URI1: variants seen among roughly 807,000 people sequenced by gnomAD.
URI1 encodes the protein URI1 prefoldin like chaperone.
URI1 carries 39 observed loss-of-function variants against 60.2 expected under a neutral mutation model. The observed-to-expected ratio is 0.65, with a 90% CI of 0.50 to 0.85. The LOEUF (loss-of-function observed/expected upper bound fraction) is 0.85. URI1 is among the 40% of genes least tolerant of loss of function. URI1 has a pLI of 0.00. For missense variants in URI1, 691 were observed against 665.9 expected, an observed-to-expected ratio of 1.04 and a Z score of -0.42; for synonymous variants, 251 against 236.8, an observed-to-expected ratio of 1.06 and a Z score of -0.55.
At chr19:29,963,014 C>T (rs536609786) in intron 1 of URI1, among the ~76,000 whole-genome samples, 4 of 152,272 alleles carry the variant, frequency 2.6e-5, no homozygotes, top group East Asian at 3.9e-4. Flanking sequence ...CTCCCCTGTG[C>T]CTCCTCCGCC....
At chr19:29,927,621 T>C (rs1476670291) in intron 1 of URI1, among the ~76,000 whole-genome samples, 3 of 124,690 alleles carry the variant, frequency 2.4e-5, no homozygotes, top group Non-Finnish European at 4.8e-5. Context: ...CAGGCTAGAG[T>C]GCTGGAGTGC....
Position 29,986,316 on chromosome 19 carries a change from A to G in URI1, c.266A>G (p.Lys89Arg). The change falls in exon 4 of 11, where the codon AAA becomes AGA. Residue 89 changes from lysine to arginine, a missense_variant. By Grantham distance (26) the Lys-to-Arg change is conservative (BLOSUM62 2). Coordinates refer to ENST00000392271, the MANE Select transcript of URI1 (RefSeq NM_003796.3). ...PFGPFAFMPG[K>R]LVHTNEVTVL... ...GGCCCTTTTGCCTTCATGCCAGGAA[A>G]ACTTGTCCATACTAATGAAGTCACT... The G allele has an allele frequency of 3.1e-6, 5 of 1,606,582 alleles. No individual in the cohort carries two copies. The highest frequency in any genetic ancestry group is 3.4e-6 in the Non-Finnish European group (4 of 1,178,604).
At chr19:29,943,349 CTTTATATAAAG>C (rs2055057284) in intron 1 of URI1, among the ~76,000 whole-genome samples, 1 of 152,126 alleles carries the variant, frequency 6.6e-6, no homozygotes, top group Admixed American at 6.5e-5. Context: ...CCTAGTGGGA[CTTTATATAAAG>C]AAGTATTCCC....
At chr19:29,925,001 A>G (rs996756171) in intron 1 of URI1, among the ~76,000 whole-genome samples, 2 of 152,054 alleles carry the variant, frequency 1.3e-5, no homozygotes, top group South Asian at 2.1e-4. Flanking sequence ...ACGCCCGGCT[A>G]ATTTTTGTAT....
intron 1 of URI1, among the ~76,000 whole-genome samples, chr19:29,966,406 G>T (rs1406605139): frequency 6.6e-6 from 1 of 152,160 alleles, no homozygotes; most frequent in Non-Finnish European, 1.5e-5. Flanking sequence ...AAAGTGCTAA[G>T]ATTACAGGCG....
At chr19:29,977,982 C>T (rs887382575) in intron 2 of URI1, among the ~76,000 whole-genome samples, 5 of 152,072 alleles carry the variant, frequency 3.3e-5, no homozygotes, top group African/African-American at 9.7e-5. Flanking sequence ...CTAATTCTCT[C>T]CCTGTTTTTA....
At chr19:29,966,058 T>G (rs1011581287) in intron 1 of URI1, among the ~76,000 whole-genome samples, 1 of 152,266 alleles carries the variant, frequency 6.6e-6, no homozygotes, top group East Asian at 1.9e-4. Flanking sequence ...TTAGCTTTCA[T>G]TAGCAGTTTT....
intron 1 of URI1, among the ~76,000 whole-genome samples, chr19:29,945,826 A>G (rs2055096171): frequency 6.6e-6 from 1 of 152,108 alleles, no homozygotes; most frequent in African/African-American, 2.4e-5. Flanking sequence ...ACACAATTTT[A>G]TTATTTTACC....
At chr19:29,998,434 A>G (rs1432706145) in intron 4 of URI1, among the ~76,000 whole-genome samples, 1 of 152,096 alleles carries the variant, frequency 6.6e-6, no homozygotes, top group Non-Finnish European at 1.5e-5. Context: ...TCCTCCAGCT[A>G]TTATGGTGAA....
chr19:29,986,130 G>A (rs2055664808), intron 3 of URI1, 152 bp from the exon 4 acceptor site: 1 of 702,282 alleles, frequency 1.4e-6, no homozygotes, highest in Non-Finnish European at 2.1e-6. Context: ...TTTTAATATA[G>A]TGTTGAATTT....
intron 1 of URI1, among the ~76,000 whole-genome samples, chr19:29,955,296 T>C (rs1054420461): frequency 6.6e-6 from 1 of 152,072 alleles, no homozygotes; most frequent in Non-Finnish European, 1.5e-5. Flanking sequence ...CATAGTGCTT[T>C]ATGTCTGTGT....
chr19:29,969,571 G>C (rs1223641847), intron 1 of URI1, among the ~76,000 whole-genome samples: 1 of 152,140 alleles, frequency 6.6e-6, no homozygotes, highest in Non-Finnish European at 1.5e-5. Flanking sequence ...GCTACGAAAG[G>C]ATTATCATGT....
At chr19:29,949,663 G>A (rs535113479) in intron 1 of URI1, among the ~76,000 whole-genome samples, 2 of 152,046 alleles carry the variant, frequency 1.3e-5, no homozygotes, top group Admixed American at 6.5e-5. Flanking sequence ...ATCCCGGCAC[G>A]TCGGGGGGCC....
chr19:30,015,630 T>C lies in URI1; in HGVS notation c.*561T>C, dbSNP rs2056076885. ...AAAGCTACATGAATTAATTGTACTCTATGGGAAAATTTCTTTGGAAAGATA... is the reference window on the plus strand; with the variant it reads ...AAAGCTACATGAATTAATTGTACTCCATGGGAAAATTTCTTTGGAAAGATA... On this transcript the variant is annotated 3_prime_UTR_variant, in exon 11 of 11. Coordinates refer to ENST00000392271, the MANE Select transcript of URI1 (RefSeq NM_003796.3). The C allele has an allele frequency of 6.8e-7, 1 of 1,463,484 alleles. No homozygotes were observed. Among genetic ancestry groups the C allele is most frequent in the Non-Finnish European group, 9.1e-7 (1 of 1,103,524 alleles). The allele number at this position is 1,463,484 out of a possible 1,614,324, so 90.7% of individuals were successfully genotyped here. A position where few individuals can be genotyped will look rare whatever the true frequency, so the allele number is the denominator to read the frequency against.
upstream of URI1, among the ~76,000 whole-genome samples, chr19:29,938,621 A>T (rs1322841838): frequency 2.0e-5 from 3 of 152,172 alleles, no homozygotes; most frequent in African/African-American, 7.2e-5. Context: ...GGGGCCTGGC[A>T]CATGAAGAAG....
At chr19:29,964,452 G>GTTTTTGTTTTT (rs2055364763) in intron 1 of URI1, among the ~76,000 whole-genome samples, 1 of 137,260 alleles carries the variant, frequency 7.3e-6, no homozygotes, top group African/African-American at 2.8e-5. Flanking sequence ...TTTTGTTTTT[G>GTTTTTGTTTTT]TTTTTTGTTT....
intron 1 of URI1, chr19:29,923,841 G>C: frequency 4.6e-6 from 6 of 1,311,932 alleles, no homozygotes; most frequent in Non-Finnish European, 6.3e-6. Flanking sequence ...ATTAGTCAGA[G>C]AAACAGAATG....
intron 2 of URI1, among the ~76,000 whole-genome samples, chr19:29,971,845 A>T (rs1017750727): frequency 2.6e-5 from 4 of 152,014 alleles, no homozygotes; most frequent in Non-Finnish European, 5.9e-5. Context: ...GTCATGAAGT[A>T]TAGCTGTTGA....
intron 1 of URI1, chr19:29,923,868 C>T (rs1026647094): frequency 3.7e-5 from 40 of 1,077,024 alleles, no homozygotes; most frequent in African/African-American, 3.6e-4. Context: ...ATACAGATGG[C>T]GCTGTAGACA....
Sources: allele counts gnomAD v4.1 joint callset (sites outside exome capture counted in the v4.1 genomes callset), GRCh38; gene constraint gnomAD v4.1.1; transcripts MANE v1.5; gene names NCBI Gene and HGNC (gene_info 2026-07-23, HGNC 2026-07-21).